The following STARD13 variants were observed in gnomAD, a reference collection of about 807,000 sequenced individuals.
The protein encoded by STARD13 is StAR related lipid transfer domain containing 13.
In STARD13, 62 loss-of-function variants were observed where a neutral mutation model predicts 106.4. That is an observed-to-expected ratio of 0.58 (90% CI 0.48 to 0.72). STARD13 has a LOEUF of 0.72. Among genes scored for constraint, STARD13 ranks in the 30% least tolerant of loss-of-function variants. The probability of loss-of-function intolerance (pLI) is 0.00; values close to 1 mark genes in which losing one functional copy is unlikely to be tolerated. For synonymous variants in STARD13, 565 were observed against 553.0 expected, an observed-to-expected ratio of 1.02 and a Z score of -0.31; for missense variants, 1,387 against 1,424.0, an observed-to-expected ratio of 0.97 and a Z score of 0.42.
At chr13:33,467,693 G>A in the STARD13 span, among the ~76,000 whole-genome samples, 1 of 152,128 alleles carries the variant, frequency 6.6e-6, no homozygotes, top group Non-Finnish European at 1.5e-5. Context: ...GGATGAGAGA[G>A]CTACCATGCG....
the STARD13 span, among the ~76,000 whole-genome samples, chr13:33,398,779 C>T: frequency 1.3e-5 from 2 of 152,050 alleles, no homozygotes. Context: ...GAGGATGTAC[C>T]ACAACTGGAA....
the STARD13 span, among the ~76,000 whole-genome samples, chr13:33,485,435 T>TAAA: frequency 6.6e-6 from 1 of 151,068 alleles, no homozygotes; most frequent in African/African-American, 2.4e-5. Flanking sequence ...CCCTCAAACT[T>TAAA]AAAAAAAAAT....
chr13:33,400,880 G>T, the STARD13 span, among the ~76,000 whole-genome samples: 1 of 150,642 alleles, frequency 6.6e-6, no homozygotes, highest in East Asian at 2.0e-4. Flanking sequence ...AATAAAATTG[G>T]TTTTTAAAAA....
chr13:33,648,226 C>T, the STARD13 span, among the ~76,000 whole-genome samples: 24 of 152,266 alleles, frequency 1.6e-4, no homozygotes, highest in Middle Eastern at 3.4e-3. Flanking sequence ...AAGAGGTAGA[C>T]AATATGATTT....
In STARD13 at chr13:33,162,571, G is replaced by C. The variant is rs1322772367; in HGVS notation, c.323+2766C>G. Among the ~76,000 whole-genome samples the C allele has an allele frequency of 3.3e-5, 5 of 152,160 alleles. 1 individual carries two copies. The highest frequency in any genetic ancestry group is 1.3e-4 in the Admixed American group (2 of 15,278). On this transcript the variant is annotated intron_variant, in intron 3 of 13. Transcript: ENST00000336934. ...ACCCAAGTCACCTCTTGAATGCTCT[G>C]TTTGCTGCTTAGAAATTTCTTCTGC...
chr13:33,574,408 A>G, the STARD13 span, among the ~76,000 whole-genome samples: 2 of 152,178 alleles, frequency 1.3e-5, no homozygotes, highest in Non-Finnish European at 2.9e-5. Flanking sequence ...ATACTTTCAA[A>G]TTAGATTGAC....
chr13:33,587,636 T>A, the STARD13 span, among the ~76,000 whole-genome samples: 4 of 152,210 alleles, frequency 2.6e-5, no homozygotes, highest in Non-Finnish European at 4.4e-5. Context: ...AATATCTTGA[T>A]AATATGCAGG....
chr13:33,248,705 A>T, intron 1 of STARD13, among the ~76,000 whole-genome samples: 1 of 149,862 alleles, frequency 6.7e-6, no homozygotes, highest in East Asian at 1.9e-4. Flanking sequence ...CCATATTTTG[A>T]TTTTTCTTCT....
Position 33,117,822 on chromosome 13 carries a change from A to G in STARD13, c.2281+243T>C, listed in dbSNP as rs889101808. 4.1e-6 allele frequency: 4 copies of G among 984,438 alleles called. No individual in the cohort carries two copies. The African/African-American group carries it at 7.0e-5, about 17-fold the overall frequency. The allele number at this position is 984,438 out of a possible 1,614,324, so 61.0% of individuals were successfully genotyped here. On this transcript the variant is annotated intron_variant, in intron 8 of 13. Transcript: ENST00000336934. ...TGAAAGTTTGTTTTAGATCATACACAAAACTCTTTTGAGAAGGAATATTTT... is the reference window on the plus strand; with the variant it reads ...TGAAAGTTTGTTTTAGATCATACACGAAACTCTTTTGAGAAGGAATATTTT...
chr13:33,325,203 A>T (rs1292385530), intron 1 of STARD13, among the ~76,000 whole-genome samples: 2 of 152,140 alleles, frequency 1.3e-5, no homozygotes, highest in African/African-American at 4.8e-5. Context: ...TAGTGTAGCC[A>T]ACACTACTTC....
At chr13:33,255,104 C>G (rs539373937) in intron 1 of STARD13, among the ~76,000 whole-genome samples, 305 of 144,890 alleles carry the variant, frequency 2.1e-3, no homozygotes, top group African/African-American at 6.9e-3. Context: ...GTGCTCCCCC[C>G]CCCCTCAGAG....
chr13:33,113,419 C>T, intron 8 of STARD13: 1 of 444,150 alleles, frequency 2.3e-6, no homozygotes, highest in Admixed American at 2.5e-5. Context: ...TTGCGTTTCT[C>T]CACCCCTGCC....
At chr13:33,661,697 GA>G in the STARD13 span, among the ~76,000 whole-genome samples, 22 of 152,072 alleles carry the variant, frequency 1.4e-4, no homozygotes, top group African/African-American at 4.3e-4. Flanking sequence ...ATTATCAAGA[GA>G]ACAGCATGGG....
Position 33,130,406 on chromosome 13 carries a change from G to A in STARD13, c.388-117C>T. The stretch of plus-strand genomic sequence containing the variant: ...ACCTCCCTCCCCTCTGTCCTCCCAT[G>A]CACAGGTGTGAGCTTCTTGGGCACC... On this transcript the variant is annotated intron_variant, in intron 4 of 13. Transcript: ENST00000336934. The surrounding 1 kb of genome is among the most constrained non-coding windows in gnomAD (Gnocchi z 4.1). 2 of 973,168 alleles carry A rather than the reference G, an allele frequency of 2.1e-6. No homozygotes were observed. The highest frequency in any genetic ancestry group is 1.5e-6 in the Non-Finnish European group (1 of 658,982). The allele number at this position is 973,168 out of a possible 1,614,324, so 60.3% of individuals were successfully genotyped here. A position where few individuals can be genotyped will look rare whatever the true frequency, so the allele number is the denominator to read the frequency against.
the STARD13 span, among the ~76,000 whole-genome samples, chr13:33,608,277 C>T: frequency 6.6e-6 from 1 of 152,192 alleles, no homozygotes; most frequent in Non-Finnish European, 1.5e-5. Context: ...AATGGAAAGA[C>T]TAAATATCAT....
chr13:33,624,617 A>G, the STARD13 span, among the ~76,000 whole-genome samples: 1 of 152,264 alleles, frequency 6.6e-6, no homozygotes, highest in Non-Finnish European at 1.5e-5. Flanking sequence ...TGAAAGAACA[A>G]CGGACACTCA....
At chr13:33,336,454 G>C (rs2077897497) in intron 1 of STARD13, 1 of 152,152 alleles carries the variant, frequency 6.6e-6, no homozygotes. Context: ...AGAATTGGCT[G>C]ATTATAAGCT....
chr13:33,493,965 G>A, the STARD13 span, among the ~76,000 whole-genome samples: 1 of 152,168 alleles, frequency 6.6e-6, no homozygotes, highest in African/African-American at 2.4e-5. Flanking sequence ...CTTGGTGCGG[G>A]TTTCTCATCA....
intron 3 of STARD13, among the ~76,000 whole-genome samples, chr13:33,155,255 A>G (rs901208625): frequency 1.3e-4 from 20 of 152,010 alleles, no homozygotes; most frequent in Non-Finnish European, 2.9e-4. Flanking sequence ...AGGGAAGGGT[A>G]TCTCTGCCAC....
Sources: allele counts gnomAD v4.1 joint callset (sites outside exome capture counted in the v4.1 genomes callset), GRCh38; gene constraint gnomAD v4.1.1; non-coding constraint Gnocchi (gnomAD v3.1); transcripts MANE v1.5; gene names NCBI Gene and HGNC (gene_info 2026-07-23, HGNC 2026-07-21).